The following ZMYM2 variants were observed in gnomAD, a reference collection of about 807,000 sequenced individuals.
ZMYM2 encodes zinc finger MYM-type protein 2.
A neutral mutation model predicts 162.8 loss-of-function variants in ZMYM2; 56 were observed. That is an observed-to-expected ratio of 0.34 (90% CI 0.28 to 0.43). The LOEUF is 0.43. Among genes scored for constraint, ZMYM2 ranks in the 20% least tolerant of loss-of-function variants. ZMYM2 has a pLI of 1.00. For synonymous variants in ZMYM2, 510 were observed against 541.6 expected, an observed-to-expected ratio of 0.94 and a Z score of 0.81; for missense variants, 1,275 against 1,621.8, an observed-to-expected ratio of 0.79 and a Z score of 3.67.
chr13:20,035,834 A>G (rs995671175), intron 11 of ZMYM2, among the ~76,000 whole-genome samples: 6 of 152,194 alleles, frequency 3.9e-5, no homozygotes, highest in African/African-American at 7.2e-5. Flanking sequence ...TAGTACGACC[A>G]TCAAACTCTA....
chr13:19,900,333 G>T, the ZMYM2 span, among the ~76,000 whole-genome samples: 1 of 152,012 alleles, frequency 6.6e-6, no homozygotes, highest in Non-Finnish European at 1.5e-5. Flanking sequence ...CAACAAAATA[G>T]ATAACCGATA....
At chr13:20,031,870 T>TTG (rs1157195143) in intron 10 of ZMYM2, among the ~76,000 whole-genome samples, 12 of 150,534 alleles carry the variant, frequency 8.0e-5, no homozygotes, top group African/African-American at 2.7e-4. Flanking sequence ...TAATTGTTTT[T>TTG]TTTTTTTTTT....
At chr13:20,008,240 C>T (rs539237200) in intron 6 of ZMYM2, among the ~76,000 whole-genome samples, 1 of 152,236 alleles carries the variant, frequency 6.6e-6, no homozygotes, top group African/African-American at 2.4e-5. Flanking sequence ...AATGATTCTC[C>T]TTGCTTCAGC....
In ZMYM2 at chr13:20,081,913, T is replaced by G. The variant is rs953613405; in HGVS notation, c.3454-103T>G. On this transcript the variant is annotated intron_variant, in intron 21 of 24. Coordinates refer to ENST00000610343, the MANE Select transcript of ZMYM2 (RefSeq NM_197968.4). ...TGTTTTAGTATGCATTTCAAAGACATAAAGCTTTATTTTTTTCTTAAGAAA... is the reference window on the plus strand; with the variant it reads ...TGTTTTAGTATGCATTTCAAAGACAGAAAGCTTTATTTTTTTCTTAAGAAA... 4.6e-6 allele frequency: 3 copies of G among 657,220 alleles called. No individual in the cohort carries two copies. In the African/African-American group the frequency reaches 5.8e-5, roughly 13 times the overall value. The allele number at this position is 657,220 out of a possible 1,614,324, so 40.7% of individuals were successfully genotyped here. A position where few individuals can be genotyped will look rare whatever the true frequency, so the allele number is the denominator to read the frequency against.
chr13:20,034,238 C>T lies in ZMYM2; in HGVS notation c.1969-16C>T, dbSNP rs766445093. ...TTGTCGTCATATACTTACCAAGGTT[C>T]CCATTGTGCATTTAGAACAAAGTGC... On this transcript the variant is annotated splice_polypyrimidine_tract_variant and intron_variant, in intron 10 of 24. Transcript: ENST00000610343. 4.5e-6 allele frequency: 7 copies of T among 1,560,086 alleles called. No homozygotes were observed. Among genetic ancestry groups the T allele is most frequent in the Non-Finnish European group, 6.1e-6 (7 of 1,156,678 alleles).
At chr13:20,056,050 T>C (rs1337802752) in intron 14 of ZMYM2, among the ~76,000 whole-genome samples, 1 of 152,218 alleles carries the variant, frequency 6.6e-6, no homozygotes, top group Non-Finnish European at 1.5e-5. Flanking sequence ...GACTGGCTTA[T>C]TTTTACGAGG....
In ZMYM2 at chr13:20,062,750, C is replaced by A. The variant is rs551748573; in HGVS notation, c.2912-96C>A. The A allele has an allele frequency of 3.9e-4, 475 of 1,203,264 alleles. 6 individuals carry two copies. The South Asian group carries it at 7.1e-3, about 18-fold the overall frequency. 74.5% of individuals were successfully genotyped at this position (1,203,264 alleles called of 1,614,324 possible). A position where few individuals can be genotyped will look rare whatever the true frequency, so the allele number is the denominator to read the frequency against. Reference sequence around the variant, plus strand: ...ACATTATACGTATTTTTTTATATTGCATTTAAAATTAAATGACTTGCTTTT... The same window carrying A: ...ACATTATACGTATTTTTTTATATTGAATTTAAAATTAAATGACTTGCTTTT... On this transcript the variant is annotated intron_variant, in intron 17 of 24. Transcript: ENST00000610343.
At chr13:19,948,032 T>G in the ZMYM2 span, among the ~76,000 whole-genome samples, 1 of 151,512 alleles carries the variant, frequency 6.6e-6, no homozygotes, top group African/African-American at 2.4e-5. Flanking sequence ...ATCAACATGA[T>G]TATAAAGAAA....
intron 1 of ZMYM2, 33 bp downstream of exon 1, chr13:19,958,874 G>A (rs1483247594): frequency 6.5e-6 from 1 of 152,690 alleles, no homozygotes; most frequent in African/African-American, 2.4e-5. Flanking sequence ...TTCCAGTCCA[G>A]GGCCGCCGAG....
the ZMYM2 span, among the ~76,000 whole-genome samples, chr13:19,881,750 G>A: frequency 3.3e-5 from 5 of 152,156 alleles, no homozygotes; most frequent in South Asian, 4.1e-4. Flanking sequence ...TTTGATGGCC[G>A]AGGCAGGTGG....
At chr13:19,904,201 T>TTTG in the ZMYM2 span, among the ~76,000 whole-genome samples, 1 of 151,816 alleles carries the variant, frequency 6.6e-6, no homozygotes, top group African/African-American at 2.4e-5. Flanking sequence ...ATTTTTTTTT[T>TTTG]AATCATCTTT....
At chr13:19,928,087 C>A in the ZMYM2 span, among the ~76,000 whole-genome samples, 2 of 152,052 alleles carry the variant, frequency 1.3e-5, no homozygotes, top group Admixed American at 1.3e-4. Flanking sequence ...CTCGCTGCAG[C>A]CTCGACTTTC....
chr13:19,925,458 A>AT, the ZMYM2 span, among the ~76,000 whole-genome samples: 6 of 152,260 alleles, frequency 3.9e-5, no homozygotes, highest in Admixed American at 1.3e-4. Flanking sequence ...AATATTAAAC[A>AT]TTTTTTAATT....
the ZMYM2 span, among the ~76,000 whole-genome samples, chr13:19,926,548 G>C: frequency 6.6e-6 from 1 of 151,394 alleles, no homozygotes; most frequent in African/African-American, 2.4e-5. Flanking sequence ...ATTTTTAGTA[G>C]AGAAGAGGTT....
chr13:19,981,307 A>C (rs1015616063), intron 2 of ZMYM2, among the ~76,000 whole-genome samples: 1 of 142,064 alleles, frequency 7.0e-6, no homozygotes, highest in Non-Finnish European at 1.5e-5. Flanking sequence ...ACAAACAAAA[A>C]AAAAAACAAA....
rs1480639138 is a variant in ZMYM2 at position 19,965,331 on chromosome 13, A to G, written c.-11+5305A>G. Reference sequence around the variant, plus strand: ...GGGTTTTGTTACTTAACATTAAAAAATGACTTCTCTTCTAATACTGGAACA... The same window carrying G: ...GGGTTTTGTTACTTAACATTAAAAAGTGACTTCTCTTCTAATACTGGAACA... On this transcript the variant is annotated intron_variant, in intron 2 of 24. Coordinates refer to ENST00000610343, the MANE Select transcript of ZMYM2 (RefSeq NM_197968.4). The G allele has an allele frequency of 4.8e-6, 5 of 1,048,036 alleles. No individual in the cohort carries two copies. The East Asian group carries it at 2.8e-4, about 58-fold the overall frequency. The allele number at this position is 1,048,036 out of a possible 1,614,324, so 64.9% of individuals were successfully genotyped here. A position where few individuals can be genotyped will look rare whatever the true frequency, so the allele number is the denominator to read the frequency against.
In ZMYM2 at chr13:19,993,699, T is replaced by G; in HGVS notation, c.627T>G (p.Asp209Glu). Residue 209 changes from aspartate to glutamate, a missense_variant, in exon 3 of 25, where the codon GAT becomes GAG. Physicochemically the swap from Asp to Glu is conservative, Grantham distance 45. Coordinates refer to ENST00000610343, the MANE Select transcript of ZMYM2 (RefSeq NM_197968.4). The part of the protein sequence containing the change: ...DGQLENTDGR[D>E]MNLMITHVTS... ...AATTAGAAAATACTGACGGGCGAGA[T>G]ATGAACTTAATGATTACACATGTAA... 1 of 1,614,034 alleles carries G rather than the reference T, an allele frequency of 6.2e-7. No individual in the cohort carries two copies. Among genetic ancestry groups the G allele is most frequent in the Non-Finnish European group, 8.5e-7 (1 of 1,179,892 alleles).
rs56664916 is a variant in ZMYM2 at position 20,075,670 on chromosome 13, C to CTTTTTTTT, written c.3454-6321_3454-6314dup. On this transcript the variant is annotated intron_variant, in intron 21 of 24. Transcript: ENST00000610343. Reference sequence around the variant, plus strand: ...TTATTATGAATAGAACTATAGACACCTTTTTTTTTTTTTTTTTTTTTTTTT... The same window carrying CTTTTTTTT: ...TTATTATGAATAGAACTATAGACACCTTTTTTTTTTTTTTTTTTTTTTTTTTTTTTTTT... Among the ~76,000 whole-genome samples, 271 of 75,708 alleles carry CTTTTTTTT rather than the reference C, an allele frequency of 3.6e-3. 22 individuals carry two copies. Among genetic ancestry groups the CTTTTTTTT allele is most frequent in the African/African-American group, 0.013 (242 of 18,444 alleles). 49.7% of individuals were successfully genotyped at this position (75,708 alleles called of 152,430 possible).
the ZMYM2 span, among the ~76,000 whole-genome samples, chr13:19,875,164 A>C: frequency 3.3e-5 from 5 of 152,222 alleles, no homozygotes; most frequent in Non-Finnish European, 5.9e-5. Context: ...CTCTACCAGC[A>C]GATTGGATAG....
Sources: allele counts gnomAD v4.1 joint callset (sites outside exome capture counted in the v4.1 genomes callset), GRCh38; gene constraint gnomAD v4.1.1; transcripts MANE v1.5; gene names NCBI Gene and HGNC (gene_info 2026-07-23, HGNC 2026-07-21).